Variants in PTPRN2 observed in about 807,000 individuals in gnomAD.
The protein encoded by PTPRN2 is receptor-type tyrosine-protein phosphatase N2.
A neutral mutation model predicts 118.8 loss-of-function variants in PTPRN2; 74 were observed. That is an observed-to-expected ratio of 0.62 (90% CI 0.52 to 0.76). PTPRN2 has a LOEUF of 0.76. Ranked by LOEUF, PTPRN2 falls within the 30% of genes least tolerant of loss-of-function variation. PTPRN2 has a pLI of 0.00. For missense variants in PTPRN2, 1,481 were observed against 1,394.4 expected, an observed-to-expected ratio of 1.06 and a Z score of -0.99; for synonymous variants, 641 against 608.0, an observed-to-expected ratio of 1.05 and a Z score of -0.80.
intron 2 of PTPRN2, among the ~76,000 whole-genome samples, chr7:158,385,219 G>A (rs1811244520): frequency 6.6e-6 from 1 of 152,162 alleles, no homozygotes; most frequent in South Asian, 2.1e-4. Context: ...GAGTCCCACT[G>A]TAACAAAAGC....
At chr7:158,067,744 G>C (rs1436473012) in intron 11 of PTPRN2, among the ~76,000 whole-genome samples, 1 of 152,130 alleles carries the variant, frequency 6.6e-6, no homozygotes, top group Admixed American at 6.5e-5. Flanking sequence ...GTTCCCACCA[G>C]GCTTCCTTCC....
intron 6 of PTPRN2, among the ~76,000 whole-genome samples, chr7:158,153,078 G>T (rs1204854761): frequency 6.0e-5 from 9 of 150,766 alleles, no homozygotes; most frequent in Admixed American, 6.0e-4. Flanking sequence ...GCCACCGACT[G>T]GGGGGACAAG....
intron 2 of PTPRN2, among the ~76,000 whole-genome samples, chr7:158,428,581 C>G (rs2129427607): frequency 6.6e-6 from 1 of 152,296 alleles, no homozygotes; most frequent in East Asian, 1.9e-4. Context: ...TTCTTATGTT[C>G]TTAAGAAACT....
At chr7:158,333,552 C>A (rs1215274253) in intron 2 of PTPRN2, among the ~76,000 whole-genome samples, 4 of 150,738 alleles carry the variant, frequency 2.7e-5, no homozygotes, top group South Asian at 4.2e-4. Context: ...TCACTCACAC[C>A]CACACTCTCA....
chr7:158,419,910 G>A (rs1815107614), intron 2 of PTPRN2, among the ~76,000 whole-genome samples: 1 of 152,184 alleles, frequency 6.6e-6, no homozygotes, highest in Non-Finnish European at 1.5e-5. Flanking sequence ...TGCTGGTGAT[G>A]CAATCCACCT....
intron 12 of PTPRN2, among the ~76,000 whole-genome samples, chr7:157,741,194 C>A (rs927540591): frequency 6.6e-6 from 1 of 152,234 alleles, no homozygotes; most frequent in Non-Finnish European, 1.5e-5. Context: ...GGCTCCAGCA[C>A]CTTTCCTGGG....
intron 11 of PTPRN2, among the ~76,000 whole-genome samples, chr7:158,062,256 A>G (rs1309619019): frequency 6.6e-6 from 1 of 152,256 alleles, no homozygotes; most frequent in East Asian, 1.9e-4. Context: ...ATCACAGGTA[A>G]GTCAAGGCTA....
At chr7:158,473,475 A>G (rs1820019292) in intron 2 of PTPRN2, among the ~76,000 whole-genome samples, 1 of 152,216 alleles carries the variant, frequency 6.6e-6, no homozygotes, top group African/African-American at 2.4e-5. Context: ...ACCCTGATTG[A>G]GAAGCCTGCG....
At chr7:157,914,798 T>C (rs1333966852) in intron 11 of PTPRN2, among the ~76,000 whole-genome samples, 4 of 152,158 alleles carry the variant, frequency 2.6e-5, no homozygotes, top group Non-Finnish European at 5.9e-5. Context: ...GTAGGTAAGA[T>C]TCTCCTACTC....
At chr7:158,479,664 C>T (rs1036292396) in intron 2 of PTPRN2, among the ~76,000 whole-genome samples, 1 of 152,244 alleles carries the variant, frequency 6.6e-6, no homozygotes, top group East Asian at 1.9e-4. Flanking sequence ...GAGAGATCTA[C>T]GCTCTGTGAA....
chr7:157,666,972 C>G (rs1430357884), intron 13 of PTPRN2, among the ~76,000 whole-genome samples: 1 of 148,154 alleles, frequency 6.7e-6, no homozygotes, highest in Non-Finnish European at 1.5e-5. Flanking sequence ...GGCTTGCACG[C>G]TCAGCCTGTG....
intron 11 of PTPRN2, among the ~76,000 whole-genome samples, chr7:157,978,976 G>C (rs1802944122): frequency 6.6e-6 from 1 of 152,056 alleles, no homozygotes; most frequent in African/African-American, 2.4e-5. Context: ...AGAGGGGGGT[G>C]GCTCTCTGGA....
chr7:158,046,067 C>T (rs1808839730), intron 11 of PTPRN2, among the ~76,000 whole-genome samples: 1 of 149,066 alleles, frequency 6.7e-6, no homozygotes, highest in Non-Finnish European at 1.5e-5. Context: ...CCTGACACTG[C>T]AATCCTGGTG....
In PTPRN2 at chr7:158,544,468, T is replaced by C. The variant is rs1368295667; in HGVS notation, c.112+43090A>G. ...CTGGCCAACATAGTGAAACCCTGTC[T>C]CTAATAAAAATACAAAAAAATTAGC... On this transcript the variant is annotated intron_variant, in intron 1 of 22. Coordinates refer to ENST00000389418, the MANE Select transcript of PTPRN2 (RefSeq NM_002847.5). This position sits in a 1 kb window ranked among gnomAD's most constrained non-coding sequence, Gnocchi z 4.2. Among the ~76,000 whole-genome samples, 1 of 152,060 alleles carries C rather than the reference T, an allele frequency of 6.6e-6. No individual in the cohort carries two copies. Among genetic ancestry groups the C allele is most frequent in the African/African-American group, 2.4e-5 (1 of 41,396 alleles).
intron 6 of PTPRN2, among the ~76,000 whole-genome samples, chr7:158,158,184 A>T (rs1822005540): frequency 6.6e-6 from 1 of 152,176 alleles, no homozygotes; most frequent in African/African-American, 2.4e-5. Flanking sequence ...TTCAAGTGAA[A>T]ATGACCCCAA....
chr7:158,063,734 C>T (rs1810541430), intron 11 of PTPRN2, among the ~76,000 whole-genome samples: 1 of 152,186 alleles, frequency 6.6e-6, no homozygotes, highest in Non-Finnish European at 1.5e-5. Flanking sequence ...ACTCGGGACA[C>T]ACCGCCTTTA....
chr7:158,326,938 T>C (rs1163219452), intron 2 of PTPRN2, among the ~76,000 whole-genome samples: 2 of 139,836 alleles, frequency 1.4e-5, no homozygotes, highest in Non-Finnish European at 3.1e-5. Flanking sequence ...CATGCACACA[T>C]ACACATTTTC....
chr7:158,448,442 C>T (rs1817875373), intron 2 of PTPRN2, among the ~76,000 whole-genome samples: 1 of 142,272 alleles, frequency 7.0e-6, no homozygotes, highest in Middle Eastern at 3.2e-3. Context: ...AGGCCAGAGG[C>T]AAACAGAAGT....
chr7:158,244,373 C>A (rs932112272), intron 3 of PTPRN2, among the ~76,000 whole-genome samples: 1 of 152,258 alleles, frequency 6.6e-6, no homozygotes, highest in African/African-American at 2.4e-5. Context: ...CAAAAACACA[C>A]CTTTCAGGTA....
Sources: gnomAD v4.1 joint callset for allele counts (sites outside exome capture counted in the v4.1 genomes callset) on GRCh38, gnomAD v4.1.1 for gene constraint, Gnocchi (gnomAD v3.1) non-coding constraint, MANE v1.5 for transcripts, NCBI Gene and HGNC (gene_info 2026-07-23, HGNC 2026-07-21) for gene names.